PCDH9: variants seen among roughly 807,000 people sequenced by gnomAD.
The protein encoded by PCDH9 is protocadherin-9.
A neutral mutation model predicts 70.6 loss-of-function variants in PCDH9; 24 were observed. The observed-to-expected ratio is 0.34, with a 90% CI of 0.25 to 0.48. The LOEUF (loss-of-function observed/expected upper bound fraction) is 0.48, where lower values mean the gene tolerates loss of function less well. Among genes scored for constraint, PCDH9 ranks in the 20% least tolerant of loss-of-function variants. PCDH9 has a pLI of 0.99. For missense variants in PCDH9, 1,281 were observed against 1,503.6 expected, an observed-to-expected ratio of 0.85 and a Z score of 2.45; for synonymous variants, 562 against 558.5, an observed-to-expected ratio of 1.01 and a Z score of -0.09.
intron 4 of PCDH9, chr13:66,323,210 G>A (rs975719537): frequency 6.6e-6 from 1 of 151,948 alleles, no homozygotes; most frequent in Non-Finnish European, 1.5e-5. Flanking sequence ...ATAAGGAAAT[G>A]TACCTCTAAG....
chr13:66,846,611 G>A (rs538572680), intron 3 of PCDH9, among the ~76,000 whole-genome samples: 28 of 150,534 alleles, frequency 1.9e-4, no homozygotes, highest in Middle Eastern at 3.4e-3. Flanking sequence ...TTTTATCTTC[G>A]CTTTCCTTCT....
chr13:67,075,086 A>G (rs1469744052), intron 2 of PCDH9, among the ~76,000 whole-genome samples: 1 of 152,026 alleles, frequency 6.6e-6, no homozygotes, highest in Non-Finnish European at 1.5e-5. Flanking sequence ...ACAAAAAAAA[A>G]AATGCAACTT....
intron 4 of PCDH9, among the ~76,000 whole-genome samples, chr13:66,561,000 G>T (rs541077902): frequency 1.4e-4 from 22 of 152,232 alleles, no homozygotes; most frequent in Non-Finnish European, 2.5e-4. Flanking sequence ...GCTGCACTGT[G>T]GGAGCCCCTT....
At chr13:66,645,049 C>G (rs2077754065) in intron 3 of PCDH9, among the ~76,000 whole-genome samples, 1 of 152,046 alleles carries the variant, frequency 6.6e-6, no homozygotes, top group Admixed American at 6.6e-5. Context: ...GGCATCTTAT[C>G]TGAGGCTTTA....
rs2085816464 is a variant in PCDH9 at position 67,073,785 on chromosome 13, C to T, written c.3036+151620G>A. 2.0e-5 allele frequency among the ~76,000 whole-genome samples: 3 copies of T among 152,090 alleles called. No homozygotes were observed. The South Asian group carries it at 6.2e-4, about 32-fold the overall frequency. On this transcript the variant is annotated intron_variant, in intron 2 of 4. Transcript: ENST00000377865. ...AACTTTCATTTTGTATGATACTTTT[C>T]TTGAATGCTAACTAGATGTCTATTA...
At chr13:67,193,313 T>C (rs1353716847) in intron 2 of PCDH9, among the ~76,000 whole-genome samples, 2 of 148,912 alleles carry the variant, frequency 1.3e-5, no homozygotes, top group Non-Finnish European at 3.0e-5. Flanking sequence ...GATTTGTGCT[T>C]TGTGCTACTG....
chr13:67,226,355 C>G lies in PCDH9; in HGVS notation c.2086G>C (p.Val696Leu). 1 of 1,614,164 alleles carries G rather than the reference C, an allele frequency of 6.2e-7. No individual in the cohort carries two copies. The highest frequency in any genetic ancestry group is 8.5e-7 in the Non-Finnish European group (1 of 1,180,026). Residue 696 changes from valine to leucine, a missense_variant, in exon 2 of 5, where the codon GTG (valine) becomes CTG (leucine). Physicochemically the swap from Val to Leu is conservative, Grantham distance 32. Coordinates refer to ENST00000377865, the MANE Select transcript of PCDH9 (RefSeq NM_203487.3). This position sits in a 1 kb window ranked among gnomAD's most constrained non-coding sequence, Gnocchi z 5.0. ...LVPLSAIPGS[V>L]VAEVFAVDVD... ...TCCACTGCAAAAACTTCTGCTACCA[C>G]GGAGCCAGGAATGGCTGAGAGGGGC...
At chr13:67,167,633 C>T (rs1197737571) in intron 2 of PCDH9, among the ~76,000 whole-genome samples, 2 of 152,216 alleles carry the variant, frequency 1.3e-5, no homozygotes, top group East Asian at 1.9e-4. Flanking sequence ...GAGTCACTTG[C>T]TTTAAATAAT....
intron 2 of PCDH9, among the ~76,000 whole-genome samples, chr13:66,984,107 C>T (rs948577330): frequency 6.6e-6 from 1 of 151,988 alleles, no homozygotes; most frequent in Non-Finnish European, 1.5e-5. Context: ...CTAATTATAA[C>T]ATTCACAATT....
intron 3 of PCDH9, among the ~76,000 whole-genome samples, chr13:66,693,138 C>T (rs1321570898): frequency 4.6e-5 from 7 of 152,152 alleles, no homozygotes; most frequent in African/African-American, 1.4e-4. Context: ...CTAACCTTGT[C>T]ATCTTGTCAA....
chr13:67,035,740 C>T (rs2084996571), intron 2 of PCDH9, among the ~76,000 whole-genome samples: 1 of 151,918 alleles, frequency 6.6e-6, no homozygotes, highest in Admixed American at 6.6e-5. Context: ...ATTCAAAAAG[C>T]TGAAAAGATA....
At chr13:67,113,024 C>T (rs1166009198) in intron 2 of PCDH9, among the ~76,000 whole-genome samples, 2 of 152,092 alleles carry the variant, frequency 1.3e-5, no homozygotes, top group East Asian at 3.9e-4. Flanking sequence ...TCTATTTGGG[C>T]CTCCTTTTCC....
At chr13:66,580,660 C>T (rs1368769563) in intron 4 of PCDH9, among the ~76,000 whole-genome samples, 1 of 151,770 alleles carries the variant, frequency 6.6e-6, no homozygotes, top group Non-Finnish European at 1.5e-5. Flanking sequence ...TTCCCACCAC[C>T]ACCCCACACT....
In PCDH9 at chr13:66,840,499, C is replaced by T. The variant is rs75601465; in HGVS notation, c.3138+63005G>A. Among the ~76,000 whole-genome samples, 560 of 152,230 alleles carry T rather than the reference C, an allele frequency of 3.7e-3. 5 individuals are homozygous for T. The highest frequency in any genetic ancestry group is 0.013 in the African/African-American group (533 of 41,550). On this transcript the variant is annotated intron_variant, in intron 3 of 4. Coordinates refer to ENST00000377865, the MANE Select transcript of PCDH9 (RefSeq NM_203487.3). ...ATACAGAGAACCCTGTTTTATTTAA[C>T]GTATCTATCTTATTCTGTGTAACCC... is the stretch of plus-strand genomic sequence containing the variant.
In PCDH9 at chr13:66,669,437, G is replaced by T. The variant is rs561755154; in HGVS notation, c.3139-38026C>A. ...GAGAGCAGTCTTCTATCTTTTTTTT[G>T]TTGTTGTTTTAACAGAGCCAAGTAT... On this transcript the variant is annotated intron_variant, in intron 3 of 4. Coordinates refer to ENST00000377865, the MANE Select transcript of PCDH9 (RefSeq NM_203487.3). 4.2e-4 allele frequency among the ~76,000 whole-genome samples: 63 copies of T among 151,224 alleles called. 1 individual carries two copies. In the South Asian group the frequency reaches 0.013, roughly 31 times the overall value.
intron 2 of PCDH9, among the ~76,000 whole-genome samples, chr13:66,934,552 A>AGAAAAG (rs1188128982): frequency 1.3e-5 from 2 of 148,896 alleles, no homozygotes; most frequent in Non-Finnish European, 3.0e-5. Flanking sequence ...AAAAAAAAAA[A>AGAAAAG]AAAAAGAAAA....
intron 3 of PCDH9, among the ~76,000 whole-genome samples, chr13:66,868,781 G>A (rs1319251888): frequency 6.6e-6 from 1 of 152,106 alleles, no homozygotes; most frequent in Non-Finnish European, 1.5e-5. Context: ...TCAAGGCGAA[G>A]TTGGGAAAAA....
chr13:67,065,428 T>A (rs1473667954), intron 2 of PCDH9, among the ~76,000 whole-genome samples: 1 of 152,190 alleles, frequency 6.6e-6, no homozygotes, highest in Non-Finnish European at 1.5e-5. Context: ...AATTACATTC[T>A]AGTTTTAGAT....
intron 2 of PCDH9, among the ~76,000 whole-genome samples, chr13:66,923,484 T>G (rs9529156): frequency 0.64 from 97,370 of 151,172 alleles, 31,737 homozygotes; most frequent in African/African-American, 0.76. Context: ...TATATAATTC[T>G]GGCTTTTAAA....
Sources: gnomAD v4.1 joint callset for allele counts (sites outside exome capture counted in the v4.1 genomes callset) on GRCh38, gnomAD v4.1.1 for gene constraint, Gnocchi (gnomAD v3.1) non-coding constraint, MANE v1.5 for transcripts, NCBI Gene and HGNC (gene_info 2026-07-23, HGNC 2026-07-21) for gene names.